Variants in ITPR2 observed in about 807,000 individuals in gnomAD.
ITPR2 encodes the protein inositol 1,4,5-trisphosphate receptor type 2.
ITPR2 carries 207 observed loss-of-function variants against 317.1 expected under a neutral mutation model. That is an observed-to-expected ratio of 0.65 (90% CI 0.58 to 0.73). The LOEUF is 0.73. Ranked by LOEUF, ITPR2 falls within the 30% of genes least tolerant of loss-of-function variation. The pLI, the probability that ITPR2 is intolerant of heterozygous loss-of-function variation, is 0.00. For synonymous variants in ITPR2, 1,156 were observed against 1,149.1 expected (o/e 1.01, Z -0.12); for missense variants, 2,613 against 3,284.0 (o/e 0.80, Z 4.99).
chr12:26,602,258 G>T, intron 28 of ITPR2, 112 bp downstream of exon 28: 2 of 1,140,988 alleles, frequency 1.8e-6, no homozygotes, highest in Non-Finnish European at 2.5e-6. Context: ...GGCACCTGGT[G>T]GGTGATTTAT....
intron 55 of ITPR2, among the ~76,000 whole-genome samples, chr12:26,351,852 T>C (rs1234163557): frequency 6.6e-6 from 1 of 152,254 alleles, no homozygotes; most frequent in Non-Finnish European, 1.5e-5. Flanking sequence ...ATCTGAGTTA[T>C]CATCTCCTGT....
intron 34 of ITPR2, among the ~76,000 whole-genome samples, chr12:26,562,601 A>G (rs1944848755): frequency 6.6e-6 from 1 of 152,232 alleles, no homozygotes; most frequent in South Asian, 2.1e-4. Context: ...AAAGAAGAGA[A>G]GAAACTGCCC....
intron 54 of ITPR2, among the ~76,000 whole-genome samples, chr12:26,388,554 A>G (rs768631921): frequency 6.6e-6 from 1 of 152,024 alleles, no homozygotes; most frequent in Non-Finnish European, 1.5e-5. Context: ...CCCAGGTTCA[A>G]TTGATCCTCC....
intron 55 of ITPR2, among the ~76,000 whole-genome samples, chr12:26,375,317 A>G (rs1220823379): frequency 1.3e-5 from 2 of 152,230 alleles, no homozygotes; most frequent in Non-Finnish European, 2.9e-5. Flanking sequence ...TAAGTCTAAA[A>G]TAAATGACTT....
intron 55 of ITPR2, among the ~76,000 whole-genome samples, chr12:26,360,922 CAAT>C (rs760477128): frequency 3.3e-5 from 5 of 151,772 alleles, no homozygotes; most frequent in East Asian, 1.9e-4. Context: ...GAACTAACAA[CAAT>C]GTTAGCAGCC....
chr12:26,504,056 A>G (rs1943131749), intron 37 of ITPR2, among the ~76,000 whole-genome samples: 1 of 152,222 alleles, frequency 6.6e-6, no homozygotes, highest in Non-Finnish European at 1.5e-5. Flanking sequence ...TTACTTGTGG[A>G]TAGGTTTCAA....
In ITPR2 at chr12:26,424,559, G is replaced by GTTTTT. The variant is rs1459732172; in HGVS notation, c.6945+3349_6945+3353dup. 2.5e-5 allele frequency among the ~76,000 whole-genome samples: 3 copies of GTTTTT among 118,214 alleles called. No individual in the cohort carries two copies. In the South Asian group the frequency reaches 8.8e-4, roughly 35 times the overall value. The allele number at this position is 118,214 out of a possible 152,430, so 77.6% of individuals were successfully genotyped here. On this transcript the variant is annotated intron_variant, in intron 49 of 56. Coordinates refer to ENST00000381340, the MANE Select transcript of ITPR2 (RefSeq NM_002223.4). The stretch of plus-strand genomic sequence containing the variant: ...CCATAGATAGCTTTGTAGTGAACTT[G>GTTTTT]TTTTTTGGTTTTTGTTTTCGTTTTG...
At chr12:26,636,619 TC>T (rs1259782546) in intron 21 of ITPR2, among the ~76,000 whole-genome samples, 2 of 152,124 alleles carry the variant, frequency 1.3e-5, no homozygotes, top group African/African-American at 4.8e-5. Context: ...TTTATACTTC[TC>T]CCTTTTTTCA....
chr12:26,680,454 A>G (rs1948007282), intron 13 of ITPR2, among the ~76,000 whole-genome samples: 1 of 152,118 alleles, frequency 6.6e-6, no homozygotes. Context: ...AACAGCTTAC[A>G]CTGTTTTTTA....
chr12:26,388,489 G>A (rs532681566), intron 54 of ITPR2, among the ~76,000 whole-genome samples: 3 of 152,160 alleles, frequency 2.0e-5, no homozygotes, highest in African/African-American at 7.2e-5. Context: ...TTTTGAGACA[G>A]AGTCTCACTC....
chr12:26,715,956 A>G (rs1016242340), intron 6 of ITPR2, 121 bp from the exon 7 acceptor site: 20 of 773,508 alleles, frequency 2.6e-5, no homozygotes, highest in Non-Finnish European at 4.1e-5. Flanking sequence ...ATATAGCTCA[A>G]TACAAGTATC....
intron 45 of ITPR2, among the ~76,000 whole-genome samples, chr12:26,462,669 C>CG (rs1942065831): frequency 1.4e-5 from 1 of 72,932 alleles, no homozygotes; most frequent in Admixed American, 1.5e-4. Context: ...GTTAAGCTTT[C>CG]TTTCTTTTTT....
At chr12:26,500,127 TGA>T (rs1342108682) in intron 37 of ITPR2, among the ~76,000 whole-genome samples, 1 of 152,250 alleles carries the variant, frequency 6.6e-6, no homozygotes, top group Non-Finnish European at 1.5e-5. Flanking sequence ...ACTTAAGCGG[TGA>T]GAGACATGTA....
At chr12:26,537,721 T>C (rs11048568) in intron 37 of ITPR2, among the ~76,000 whole-genome samples, 85,990 of 152,064 alleles carry the variant, frequency 0.57, 28,259 homozygotes, top group Non-Finnish European at 0.76. Flanking sequence ...TTTTCTGTAT[T>C]CCATGACTGT....
At chr12:26,737,691 C>G (rs1241106203) in intron 2 of ITPR2, among the ~76,000 whole-genome samples, 1 of 152,214 alleles carries the variant, frequency 6.6e-6, no homozygotes, top group Non-Finnish European at 1.5e-5. Context: ...GGTTTGGCAT[C>G]TCGGTATTAC....
intron 2 of ITPR2, among the ~76,000 whole-genome samples, chr12:26,765,048 A>C (rs1949695915): frequency 6.6e-6 from 1 of 152,090 alleles, no homozygotes; most frequent in African/African-American, 2.4e-5. Context: ...TTCCATCTAA[A>C]TCTGTTGTCA....
intron 22 of ITPR2, among the ~76,000 whole-genome samples, chr12:26,630,970 A>G (rs1426127466): frequency 2.6e-5 from 4 of 152,200 alleles, no homozygotes; most frequent in African/African-American, 4.8e-5. Context: ...GAATTCCTAG[A>G]GGAACTGTGA....
chr12:26,697,646 T>C (rs12582869), intron 9 of ITPR2, among the ~76,000 whole-genome samples: 20,506 of 151,986 alleles, frequency 0.13, 1,799 homozygotes, highest in Non-Finnish European at 0.2. Context: ...CCGTCTCTAC[T>C]AAAAATTCAA....
At chr12:26,577,879 ACT>A (rs1247017883) in intron 34 of ITPR2, among the ~76,000 whole-genome samples, 4 of 152,046 alleles carry the variant, frequency 2.6e-5, no homozygotes, top group African/African-American at 9.7e-5. Flanking sequence ...AACCTATAAA[ACT>A]CTCTGTTTTC....
Sources: gnomAD v4.1 joint callset for allele counts (sites outside exome capture counted in the v4.1 genomes callset) on GRCh38, gnomAD v4.1.1 for gene constraint, MANE v1.5 for transcripts, NCBI Gene and HGNC (gene_info 2026-07-23, HGNC 2026-07-21) for gene names.